The following LCTL variants were observed in gnomAD, a reference collection of about 807,000 sequenced individuals.
LCTL encodes the protein lactase-like protein.
LCTL carries 76 observed loss-of-function variants against 75.8 expected under a neutral mutation model. The observed-to-expected ratio is 1.00, with a 90% CI of 0.83 to 1.21. The LOEUF is 1.21. Among genes scored for constraint, LCTL ranks in the 50% most tolerant of loss-of-function variants. The probability of loss-of-function intolerance (pLI) is 0.00; values close to 1 mark genes in which losing one functional copy is unlikely to be tolerated. For missense variants in LCTL, 670 were observed against 712.4 expected (o/e 0.94, Z 0.68); for synonymous variants, 271 against 268.8 (o/e 1.01, Z -0.08).
chr15:66,564,653 A>G (rs1395076354), intron 2 of LCTL, 23 bp downstream of exon 3: 1 of 1,607,868 alleles, frequency 6.2e-7, no homozygotes, highest in South Asian at 1.1e-5. Flanking sequence ...GCGCACACAC[A>G]CACACTCACA....
At chr15:66,564,780 C>A (rs369780982) in exon 2 of LCTL, 2 of 1,613,628 alleles carry the variant, frequency 1.2e-6, no homozygotes, top group African/African-American at 1.3e-5. Context: ...GGCCCTTTCC[C>A]GTCCTGGTCC....
intron 8 of LCTL, 71 bp downstream of exon 9, chr15:66,557,651 C>A (rs1381827493): frequency 4.0e-6 from 6 of 1,501,296 alleles, no homozygotes; most frequent in Non-Finnish European, 4.6e-6. Context: ...CATCCCCCTG[C>A]CTTTTGCTTG....
intron 3 of LCTL, 56 bp from the exon 5 acceptor site, chr15:66,563,681 C>T: frequency 7.6e-7 from 1 of 1,311,816 alleles, no homozygotes; most frequent in Non-Finnish European, 1.1e-6. Flanking sequence ...TTGGCCTTGG[C>T]CTTCTGGAGT....
chr15:66,552,981 C>CA lies in LCTL; in HGVS notation c.1197+2dup. ...CCTTTGAATAGCTGAATGTGATAAT[C>CA]ACCTGAGCAAAGTTAAGGAGCCTCC... On this transcript the variant is annotated splice_region_variant and intron_variant, in intron 9 of 12. Transcript: ENST00000341509. 6.9e-7 allele frequency: 1 copy of CA among 1,439,960 alleles called. No homozygotes were observed. Among genetic ancestry groups the CA allele is most frequent in the Non-Finnish European group, 9.1e-7 (1 of 1,093,660 alleles). The allele number at this position is 1,439,960 out of a possible 1,614,324, so 89.2% of individuals were successfully genotyped here.
chr15:66,553,326 G>T, intron 8 of LCTL, 68 bp from the exon 10 acceptor site: 1 of 1,253,456 alleles, frequency 8.0e-7, no homozygotes, highest in Non-Finnish European at 1.1e-6. Flanking sequence ...TATGTATCAT[G>T]ACGATAGTGA....
rs372185322 is a variant in LCTL, at chr15:66,551,658, C to T, written c.1524+4G>A. 1.9e-6 allele frequency: 3 copies of T among 1,611,192 alleles called. No homozygotes were observed. The highest frequency in any genetic ancestry group is 2.5e-6 in the Non-Finnish European group (3 of 1,177,534). Reference sequence around the variant, plus strand: ...GAACAGATAACATTGATAATGAGGCCTACCTCTCTTGGATTGGGAAACCCA... The same window carrying T: ...GAACAGATAACATTGATAATGAGGCTTACCTCTCTTGGATTGGGAAACCCA... On this transcript the variant is annotated splice_donor_region_variant and intron_variant, in intron 11 of 12. Coordinates refer to ENST00000341509, the Ensembl canonical transcript of LCTL.
intron 1 of LCTL, 118 bp downstream of exon 2, chr15:66,565,130 A>C: frequency 1.3e-6 from 1 of 772,340 alleles, no homozygotes. Context: ...AACCACACAA[A>C]GGTAGGTTTC....
intron 8 of LCTL, among the ~76,000 whole-genome samples, chr15:66,557,036 C>T (rs146589914): frequency 3.3e-5 from 5 of 152,112 alleles, no homozygotes; most frequent in East Asian, 1.9e-4. Context: ...TGTAAAGATG[C>T]GATGCCTGGG....
intron 8 of LCTL, among the ~76,000 whole-genome samples, chr15:66,553,548 GATCGAGACC>G (rs993683585): frequency 2.5e-4 from 38 of 152,014 alleles, no homozygotes; most frequent in African/African-American, 7.7e-4. Context: ...AAGGTCAGGA[GATCGAGACC>G]ATCCTGGCTA....
intron 4 of LCTL, among the ~76,000 whole-genome samples, chr15:66,562,022 G>T (rs891390019): frequency 1.3e-5 from 2 of 151,852 alleles, no homozygotes; most frequent in African/African-American, 2.4e-5. Flanking sequence ...TTTGCCATGC[G>T]CCCTCCAATC....
rs554499659 is a variant in LCTL at position 66,562,264 on chromosome 15, G to C, written c.481-949C>G. ...CTAAAAATACAAAAATTAGCCGGGC[G>C]TGGTGGCACATGCCTGTAATCCCAG... is the stretch of plus-strand genomic sequence containing the variant. On this transcript the variant is annotated intron_variant, in intron 4 of 12. Transcript: ENST00000341509. Among the ~76,000 whole-genome samples the C allele has an allele frequency of 3.9e-5, 6 of 152,114 alleles. No individual in the cohort carries two copies. In the East Asian group the frequency reaches 1.2e-3, roughly 30 times the overall value.
At chr15:66,561,123 C>A in intron 5 of LCTL, 22 bp from the exon 7 acceptor site, 1 of 1,614,146 alleles carries the variant, frequency 6.2e-7, no homozygotes, top group Middle Eastern at 1.6e-4. Context: ...GCAAGCAGGA[C>A]CACAGGATCC....
Position 66,550,116 on chromosome 15 carries a change from C to A in LCTL, c.1525-12G>T. 2 of 1,573,236 alleles carry A rather than the reference C, an allele frequency of 1.3e-6. No homozygotes were observed. The highest frequency in any genetic ancestry group is 1.7e-6 in the Non-Finnish European group (2 of 1,156,554). On this transcript the variant is annotated splice_polypyrimidine_tract_variant and intron_variant, in intron 11 of 12. Transcript: ENST00000341509. Reference sequence around the variant, plus strand: ...TACCAACTTTCCACCTAATAAAAACCCACTTGATAAGTAATGTTGTCTTAG... The same window carrying A: ...TACCAACTTTCCACCTAATAAAAACACACTTGATAAGTAATGTTGTCTTAG...
intron 4 of LCTL, among the ~76,000 whole-genome samples, chr15:66,562,568 A>G (rs1349046133): frequency 6.6e-6 from 1 of 151,814 alleles, no homozygotes; most frequent in Admixed American, 6.6e-5. Context: ...AAACTTGTTC[A>G]TTATGCTATG....
chr15:66,561,097 A>G (rs368104424), exon 6 of LCTL: 1 of 1,614,048 alleles, frequency 6.2e-7, no homozygotes, highest in African/African-American at 1.3e-5. Flanking sequence ...TTTTTCTGCC[A>G]TTGCCTATAG....
At chr15:66,558,035 G>C (rs753097853) in exon 7 of LCTL, 1 of 1,601,658 alleles carries the variant, frequency 6.2e-7, no homozygotes, top group Non-Finnish European at 8.5e-7. Flanking sequence ...TTTGGCGTGG[G>C]CCTGAAAGGG....
At chr15:66,557,938 G>T (rs751648370) in intron 7 of LCTL, 44 bp downstream of exon 8, 10 of 1,608,470 alleles carry the variant, frequency 6.2e-6, no homozygotes, top group African/African-American at 1.3e-5. Flanking sequence ...TTGCTGCTCC[G>T]GGCACTTGGC....
At chr15:66,551,992 T>C in intron 10 of LCTL, 51 bp downstream of exon 11, 1 of 1,585,702 alleles carries the variant, frequency 6.3e-7, no homozygotes, top group Non-Finnish European at 8.6e-7. Flanking sequence ...TTAATCACAT[T>C]TTGTCTCAGT....
At chr15:66,551,253 A>G (rs900328517) in intron 11 of LCTL, among the ~76,000 whole-genome samples, 24 of 146,654 alleles carry the variant, frequency 1.6e-4, no homozygotes, top group Admixed American at 1.0e-3. Context: ...AGGCTGAGGC[A>G]GGAAAATCGC....
Sources: gnomAD v4.1 joint callset for allele counts (sites outside exome capture counted in the v4.1 genomes callset) on GRCh38, gnomAD v4.1.1 for gene constraint, MANE v1.5 for transcripts, NCBI Gene and HGNC (gene_info 2026-07-23, HGNC 2026-07-21) for gene names.